The following CSMD3 variants were observed in gnomAD, a reference collection of about 807,000 sequenced individuals.
CSMD3 encodes CUB and sushi domain-containing protein 3.
CSMD3 carries 177 observed loss-of-function variants against 435.2 expected under a neutral mutation model. That is an observed-to-expected ratio of 0.41 (90% CI 0.36 to 0.46). The LOEUF (loss-of-function observed/expected upper bound fraction) is 0.46, where lower values mean the gene tolerates loss of function less well. Among genes scored for constraint, CSMD3 ranks in the 20% least tolerant of loss-of-function variants. The probability of loss-of-function intolerance (pLI) is 0.34; values close to 1 mark genes in which losing one functional copy is unlikely to be tolerated. For missense variants in CSMD3, 4,265 were observed against 4,504.6 expected (o/e 0.95, Z 1.52); for synonymous variants, 1,656 against 1,520.5 (o/e 1.09, Z -2.07).
intron 16 of CSMD3, among the ~76,000 whole-genome samples, chr8:112,676,672 C>T (rs2075775981): frequency 6.6e-6 from 1 of 152,070 alleles, no homozygotes; most frequent in Non-Finnish European, 1.5e-5. Context: ...AAGGCATTCA[C>T]CAATGAATAA....
chr8:112,747,693 C>T (rs992429867), intron 13 of CSMD3, among the ~76,000 whole-genome samples: 1 of 152,014 alleles, frequency 6.6e-6, no homozygotes, highest in Admixed American at 6.5e-5. Flanking sequence ...TAAAAACAGG[C>T]GGCCGGGCGC....
At chr8:112,608,211 T>TA (rs933773740) in intron 22 of CSMD3, among the ~76,000 whole-genome samples, 83 of 151,818 alleles carry the variant, frequency 5.5e-4, no homozygotes, top group African/African-American at 1.8e-3. Flanking sequence ...TATAATAGCA[T>TA]AAAAAAGAAT....
intron 45 of CSMD3, among the ~76,000 whole-genome samples, chr8:112,322,945 G>A (rs1181150027): frequency 6.6e-6 from 1 of 151,938 alleles, no homozygotes; most frequent in African/African-American, 2.4e-5. Context: ...ACAGAATGTA[G>A]GTTTCTTCAA....
chr8:112,951,499 A>G (rs977431988), intron 8 of CSMD3, among the ~76,000 whole-genome samples: 2 of 151,728 alleles, frequency 1.3e-5, no homozygotes, highest in African/African-American at 4.8e-5. Context: ...AAATTAATTT[A>G]AATTTTTATT....
chr8:112,489,398 A>G (rs1464682596), intron 31 of CSMD3, among the ~76,000 whole-genome samples: 1 of 152,196 alleles, frequency 6.6e-6, no homozygotes, highest in Non-Finnish European at 1.5e-5. Flanking sequence ...ATACTCCAGC[A>G]TGGGTGACAG....
chr8:112,359,537 T>C (rs1347742400), intron 38 of CSMD3, among the ~76,000 whole-genome samples: 1 of 152,156 alleles, frequency 6.6e-6, no homozygotes, highest in African/African-American at 2.4e-5. Context: ...AGATTATTTC[T>C]TAATAAATAT....
At chr8:112,427,211 C>T (rs1276502598) in intron 32 of CSMD3, among the ~76,000 whole-genome samples, 1 of 152,152 alleles carries the variant, frequency 6.6e-6, no homozygotes, top group East Asian at 1.9e-4. Context: ...TCATCTTTGT[C>T]TCCCAAGTCT....
intron 53 of CSMD3, among the ~76,000 whole-genome samples, chr8:112,299,485 G>A (rs1820698702): frequency 6.6e-6 from 1 of 151,966 alleles, no homozygotes; most frequent in Non-Finnish European, 1.5e-5. Context: ...ATAAATTAAT[G>A]GATTGATGGA....
chr8:112,682,490 G>A lies in CSMD3; in HGVS notation c.2629C>T (p.Leu877Phe), dbSNP rs1347442861. 6.2e-7 allele frequency: 1 copy of A among 1,613,210 alleles called. No individual in the cohort carries two copies. The highest frequency in any genetic ancestry group is 8.5e-7 in the Non-Finnish European group (1 of 1,179,786). The change falls in exon 16 of 71, where the codon CTT becomes TTT. Residue 877 changes from leucine to phenylalanine, a missense_variant. Physicochemically the swap from Leu to Phe is conservative, Grantham distance 22. Coordinates refer to ENST00000297405, the MANE Select transcript of CSMD3 (RefSeq NM_198123.2). ...CTCCACATTACTTTTCCATCCATAAGAATACATGTAATTGTTTCTGTTCCC... is the reference window on the plus strand; with the variant it reads ...CTCCACATTACTTTTCCATCCATAAAAATACATGTAATTGTTTCTGTTCCC... ...TQGTETITCI[L>F]MDGKVMWSGL...
intron 13 of CSMD3, among the ~76,000 whole-genome samples, chr8:112,793,105 TA>T (rs2078731126): frequency 6.7e-6 from 1 of 148,722 alleles, no homozygotes; most frequent in African/African-American, 2.4e-5. Context: ...TATAAATATG[TA>T]AACATATTTA....
At chr8:112,304,376 G>A (rs903887497) in intron 52 of CSMD3, among the ~76,000 whole-genome samples, 2 of 139,238 alleles carry the variant, frequency 1.4e-5, no homozygotes, top group Non-Finnish European at 3.2e-5. Context: ...CTGGGGCAAA[G>A]GTTTTTTTTT....
Position 112,503,956 on chromosome 8 carries a change from A to G in CSMD3, c.4917T>C (p.Tyr1639=), listed in dbSNP as rs2130916634. 2 of 1,608,512 alleles carry G rather than the reference A, an allele frequency of 1.2e-6. No individual in the cohort carries two copies. The highest frequency in any genetic ancestry group is 1.7e-6 in the Non-Finnish European group (2 of 1,175,708). Residue 1639 remains tyrosine, a synonymous_variant, in exon 30 of 71, where the codon TAT becomes TAC. Coordinates refer to ENST00000297405, the MANE Select transcript of CSMD3 (RefSeq NM_198123.2). ...GTCCATCATAGATATAGAGGAAGTCATAGTTTGGTTCTATGCTAAAACTGA... is the reference window on the plus strand; with the variant it reads ...GTCCATCATAGATATAGAGGAAGTCGTAGTTTGGTTCTATGCTAAAACTGA... ...AFISFSIEPN[Y]DFLYIYDGPD...
rs764899131 is a variant in CSMD3 at position 112,337,644 on chromosome 8, G to GAA, written c.6738_6739dup (p.Ser2247PhefsTer11). On this transcript the variant is annotated frameshift_variant, in exon 43 of 71. Transcript: ENST00000297405. LOFTEE classifies it high-confidence loss of function. ...TGTGTATCCTGGGAAACATTCAAAT[G>GAA]AAATGGTTTGACCCACAGTAAAATC... The GAA allele has an allele frequency of 1.9e-6, 3 of 1,613,228 alleles. No homozygotes were observed. Among genetic ancestry groups the GAA allele is most frequent in the Non-Finnish European group, 2.5e-6 (3 of 1,179,266 alleles).
At chr8:113,278,894 T>C (rs572298783) in intron 2 of CSMD3, among the ~76,000 whole-genome samples, 190 bp from the exon 3 acceptor site, 8 of 151,808 alleles carry the variant, frequency 5.3e-5, no homozygotes, top group Admixed American at 6.6e-5. Context: ...CCCTCCAGAC[T>C]GCAAGATAAT....
intron 6 of CSMD3, among the ~76,000 whole-genome samples, chr8:112,992,597 A>T (rs1415924207): frequency 6.6e-6 from 1 of 151,912 alleles, no homozygotes; most frequent in Non-Finnish European, 1.5e-5. Context: ...GATCTAAGGA[A>T]GAAAACAGCA....
chr8:113,218,897 C>G (rs1016788354), intron 3 of CSMD3, among the ~76,000 whole-genome samples: 10 of 151,204 alleles, frequency 6.6e-5, no homozygotes, highest in African/African-American at 2.4e-4. Context: ...TTTATGATTT[C>G]TATATACCTT....
intron 1 of CSMD3, among the ~76,000 whole-genome samples, chr8:113,322,919 T>C (rs1219745486): frequency 6.6e-6 from 1 of 152,060 alleles, no homozygotes; most frequent in African/African-American, 2.4e-5. Flanking sequence ...CTAATTTTTG[T>C]ATTTTAAGTA....
intron 12 of CSMD3, among the ~76,000 whole-genome samples, chr8:112,801,026 G>A (rs980908144): frequency 1.3e-5 from 2 of 151,930 alleles, no homozygotes; most frequent in African/African-American, 4.8e-5. Flanking sequence ...TAGGTTGCGG[G>A]GAAGTCCATC....
At chr8:113,256,004 A>C (rs2093377276) in intron 3 of CSMD3, among the ~76,000 whole-genome samples, 1 of 152,082 alleles carries the variant, frequency 6.6e-6, no homozygotes, top group African/African-American at 2.4e-5. Flanking sequence ...AAATACTTAC[A>C]ATTTTCTATA....
Sources: allele counts gnomAD v4.1 joint callset (sites outside exome capture counted in the v4.1 genomes callset), GRCh38; gene constraint gnomAD v4.1.1; transcripts MANE v1.5; gene names NCBI Gene and HGNC (gene_info 2026-07-23, HGNC 2026-07-21).